EYA1: variants seen among roughly 807,000 people sequenced by gnomAD.
EYA1 encodes the protein EYA transcriptional coactivator and phosphatase 1, also known as protein phosphatase EYA1.
Under a neutral mutation model 82.0 loss-of-function variants are expected in EYA1, and 16 were observed. The observed-to-expected ratio is 0.20, with a 90% confidence interval of 0.13 to 0.30. The LOEUF (loss-of-function observed/expected upper bound fraction) is 0.30. EYA1 is among the 10% of genes least tolerant of loss of function. The pLI, the probability that EYA1 is intolerant of heterozygous loss-of-function variation, is 1.00. For synonymous variants in EYA1, 261 were observed against 264.4 expected (o/e 0.99, Z 0.12); for missense variants, 633 against 730.7 (o/e 0.87, Z 1.54).
intron 7 of EYA1, among the ~76,000 whole-genome samples, chr8:71,314,117 T>C (rs1159163574): frequency 6.6e-6 from 1 of 152,154 alleles, no homozygotes; most frequent in African/African-American, 2.4e-5. Flanking sequence ...ATGAAATTGA[T>C]AAAAGCAAAT....
rs747595071 is a variant in EYA1, at chr8:71,203,066, A to G, written c.1699-3646T>C. 7.9e-5 allele frequency among the ~76,000 whole-genome samples: 12 copies of G among 152,308 alleles called. No homozygotes were observed. The East Asian group carries it at 1.4e-3, about 17-fold the overall frequency. On this transcript the variant is annotated intron_variant, in intron 17 of 17. Coordinates refer to ENST00000340726, the MANE Select transcript of EYA1 (RefSeq NM_000503.6). ...AAACATTTCTTGTATGAAATCGGAG[A>G]GAAATGGTGGCAAAAGAGAAAAAGA...
At chr8:71,224,972 G>C (rs1810384810) in intron 12 of EYA1, among the ~76,000 whole-genome samples, 1 of 152,232 alleles carries the variant, frequency 6.6e-6, no homozygotes, top group African/African-American at 2.4e-5. Context: ...TGATGGAACA[G>C]ATTTGAAGAA....
intron 2 of EYA1, among the ~76,000 whole-genome samples, chr8:71,368,792 A>G (rs1348501863): frequency 6.6e-6 from 1 of 152,090 alleles, no homozygotes; most frequent in Non-Finnish European, 1.5e-5. Context: ...AGGAGGGACC[A>G]CACCTTTAAC....
intron 9 of EYA1, among the ~76,000 whole-genome samples, chr8:71,290,787 A>G (rs956858138): frequency 1.1e-4 from 17 of 150,988 alleles, no homozygotes; most frequent in African/African-American, 3.4e-4. Flanking sequence ...TTATACCACT[A>G]TATATCCTCT....
At chr8:71,394,998 G>C (rs938740494) in intron 2 of EYA1, among the ~76,000 whole-genome samples, 1 of 152,102 alleles carries the variant, frequency 6.6e-6, no homozygotes, top group Non-Finnish European at 1.5e-5. Flanking sequence ...TCCTTGAAGA[G>C]GTCCTTCACA....
intron 16 of EYA1, among the ~76,000 whole-genome samples, chr8:71,214,998 T>A (rs1292060755): frequency 6.6e-6 from 1 of 152,240 alleles, no homozygotes; most frequent in Non-Finnish European, 1.5e-5. Flanking sequence ...ATATTTCTAG[T>A]AATAAATCTG....
At position 71,303,264 on chromosome 8, in the gene EYA1, C is replaced by T. The variant is rs1196170805; in HGVS notation, c.557-3544G>A. ...CACCTATCATCTGTCCATCTATCTC[C>T]ATGATATATGTGTGTGTTTATCAAT... On this transcript the variant is annotated intron_variant, in intron 7 of 17. Transcript: ENST00000340726. 5.7e-5 allele frequency among the ~76,000 whole-genome samples: 8 copies of T among 140,420 alleles called. 2 individuals carry two copies. The highest frequency in any genetic ancestry group is 2.0e-4 in the African/African-American group (8 of 39,880). The allele number at this position is 140,420 out of a possible 152,430, so 92.1% of individuals were successfully genotyped here.
At position 71,356,571 on chromosome 8, in the gene EYA1, A is replaced by G. The variant is rs56199161; in HGVS notation, c.-54-60T>C. 5.0e-3 allele frequency: 7,641 copies of G among 1,539,634 alleles called. 32 individuals are homozygous for G. Among genetic ancestry groups the G allele is most frequent in the Non-Finnish European group, 6.4e-3 (7,305 of 1,142,398 alleles). Reference sequence around the variant, plus strand: ...TTACTCTGCTTCAGTGTCAGCTCTTAATTATACAGAGCACATGGCTGAGAA... The same window carrying G: ...TTACTCTGCTTCAGTGTCAGCTCTTGATTATACAGAGCACATGGCTGAGAA... On this transcript the variant is annotated intron_variant, in intron 1 of 17. Transcript: ENST00000340726.
At chr8:71,337,550 G>A (rs931585706) in intron 3 of EYA1, among the ~76,000 whole-genome samples, 3 of 152,168 alleles carry the variant, frequency 2.0e-5, no homozygotes, top group African/African-American at 7.2e-5. Flanking sequence ...ATGCCTTTGA[G>A]TTTTGGTCTT....
At chr8:71,448,749 A>G (rs899866695) in intron 2 of EYA1, 7 of 156,080 alleles carry the variant, frequency 4.5e-5, no homozygotes, top group African/African-American at 1.7e-4. Flanking sequence ...CAACGTTCAC[A>G]TTCCTGAGTA....
intron 2 of EYA1, among the ~76,000 whole-genome samples, chr8:71,372,930 A>G (rs1272265565): frequency 6.6e-6 from 1 of 152,122 alleles, no homozygotes; most frequent in Non-Finnish European, 1.5e-5. Flanking sequence ...AAAGTTCAAC[A>G]TTCTTTCATG....
At chr8:71,223,210 C>T (rs149495317) in intron 12 of EYA1, among the ~76,000 whole-genome samples, 49 of 152,208 alleles carry the variant, frequency 3.2e-4, no homozygotes, top group Admixed American at 5.2e-4. Flanking sequence ...ACCAGGAAAA[C>T]GGATTAGGCC....
chr8:71,410,312 C>G (rs1403811651), intron 2 of EYA1, among the ~76,000 whole-genome samples: 1 of 126,204 alleles, frequency 7.9e-6, no homozygotes, highest in Non-Finnish European at 1.7e-5. Flanking sequence ...CCTTTGAAAA[C>G]TGGCACAAGA....
chr8:71,492,886 TTG>T (rs1811126986), intron 2 of EYA1, among the ~76,000 whole-genome samples: 1 of 152,220 alleles, frequency 6.6e-6, no homozygotes. Flanking sequence ...TACCCATTAG[TTG>T]TGTTTCCTGA....
At chr8:71,367,033 A>G (rs1028912021), upstream of EYA1, among the ~76,000 whole-genome samples, 1 of 152,244 alleles carries the variant, frequency 6.6e-6, no homozygotes, top group Non-Finnish European at 1.5e-5. Flanking sequence ...ATGCAAAAAT[A>G]AAAGTACATT....
chr8:71,308,611 T>C (rs1820986771), intron 7 of EYA1, among the ~76,000 whole-genome samples: 2 of 151,960 alleles, frequency 1.3e-5, no homozygotes, highest in Non-Finnish European at 1.5e-5. Context: ...GAACACAGCC[T>C]ATGTCGATTT....
At chr8:71,338,401 C>T (rs1295924861) in intron 3 of EYA1, among the ~76,000 whole-genome samples, 2 of 152,134 alleles carry the variant, frequency 1.3e-5, no homozygotes, top group Admixed American at 6.5e-5. Context: ...AAAATGTGGC[C>T]ATCTTTTTCT....
intron 9 of EYA1, among the ~76,000 whole-genome samples, chr8:71,284,295 T>C (rs933390644): frequency 6.6e-6 from 1 of 152,190 alleles, no homozygotes; most frequent in African/African-American, 2.4e-5. Flanking sequence ...TTTGGGAAAA[T>C]AACCCACCTG....
intron 2 of EYA1, among the ~76,000 whole-genome samples, chr8:71,501,253 C>G (rs143406549): frequency 2.0e-5 from 3 of 152,136 alleles, no homozygotes; most frequent in Non-Finnish European, 4.4e-5. Context: ...AAGCCGGGGT[C>G]CCCTAGGGGG....
Sources: allele counts gnomAD v4.1 joint callset (sites outside exome capture counted in the v4.1 genomes callset), GRCh38; gene constraint gnomAD v4.1.1; transcripts MANE v1.5; gene names NCBI Gene and HGNC (gene_info 2026-07-23, HGNC 2026-07-21).